Variants in MAGEL2 observed in about 807,000 individuals in gnomAD.
MAGEL2 encodes MAGE-like protein 2.
For missense variants in MAGEL2, 1,830 were observed against 1,699.2 expected, an observed-to-expected ratio of 1.08 and a Z score of -1.35; for synonymous variants, 792 against 721.7, an observed-to-expected ratio of 1.10 and a Z score of -1.56.
At position 23,644,661 on chromosome 15, in the gene MAGEL2, C is replaced by G. The variant is rs1321272829; in HGVS notation, c.3082G>C (p.Val1028Leu). ...SPLDERANAL[V>L]QFLLVKDQAK... The stretch of plus-strand genomic sequence containing the variant: ...TGGTCCTTGACTAAGAGGAACTGCA[C>G]CAACGCATTTGCCCTCTCATCCAAG... Residue 1028 changes from valine (V) to leucine (L), a missense_variant, in exon 1 of 1, where the codon GTG (valine) becomes CTG (leucine). Val to Leu is a conservative substitution (Grantham distance 32). Coordinates refer to ENST00000650528, the MANE Select transcript of MAGEL2 (RefSeq NM_019066.5). 19 of 1,613,850 alleles carry G rather than the reference C, an allele frequency of 1.2e-5. No homozygotes were observed. The highest frequency in any genetic ancestry group is 1.5e-5 in the Non-Finnish European group (18 of 1,179,880).
chr15:23,646,738 A>C lies in MAGEL2; in HGVS notation c.1005T>G (p.Pro335=), dbSNP rs1000866624. The C allele has an allele frequency of 2.6e-6, 4 of 1,533,776 alleles. No homozygotes were observed. The highest frequency in any genetic ancestry group is 2.7e-5 in the African/African-American group (2 of 72,766). The change falls in exon 1 of 1, where the codon CCT becomes CCG. Residue 335 remains proline (P), a synonymous_variant. Coordinates refer to ENST00000650528, the MANE Select transcript of MAGEL2 (RefSeq NM_019066.5). This position sits in a 1 kb window ranked among gnomAD's most constrained non-coding sequence, Gnocchi z 4.2. ...CTTGAGACTGGATTTGCAGGATCAG[A>C]GGCTGAGCCTGCGGGGCCCAAGAAG... ...PMASWAPQAQ[P]LILQIQSQVI...
Position 23,645,898 on chromosome 15 carries a change from C to T in MAGEL2, c.1845G>A (p.Leu615=). Residue 615 remains leucine, a synonymous_variant, in exon 1 of 1, where the codon CTG becomes CTA. Transcript: ENST00000650528. ...TGGGGGCCTTCTGGGCCTGCCAGGCCAGCGCCTGTGTCTGCTGCACCTCCT... is the reference window on the plus strand; with the variant it reads ...TGGGGGCCTTCTGGGCCTGCCAGGCTAGCGCCTGTGTCTGCTGCACCTCCT... The part of the protein sequence containing the change: ...EFQEVQQTQA[L]AWQAQKAPTH... The T allele has an allele frequency of 6.4e-7, 1 of 1,573,688 alleles. No homozygotes were observed. The highest frequency in any genetic ancestry group is 8.6e-7 in the Non-Finnish European group (1 of 1,159,740).
Position 23,644,666 on chromosome 15 carries a change from G to T in MAGEL2, c.3077C>A (p.Ala1026Glu), listed in dbSNP as rs370022000. The T allele has an allele frequency of 3.7e-6, 6 of 1,613,750 alleles. No homozygotes were observed. In the East Asian group the frequency reaches 8.9e-5, roughly 24 times the overall value. Residue 1026 changes from alanine to glutamate, a missense_variant, in exon 1 of 1, where the codon GCG becomes GAG. Ala to Glu is a moderately radical substitution (Grantham distance 107, BLOSUM62 -1). Transcript: ENST00000650528. ...PLSPLDERAN[A>E]LVQFLLVKDQ... ...CTTGACTAAGAGGAACTGCACCAAC[G>T]CATTTGCCCTCTCATCCAAGGGAGA... is the stretch of plus-strand genomic sequence containing the variant.
Position 23,646,466 on chromosome 15 carries a change from C to T in MAGEL2, c.1277G>A (p.Gly426Asp). ...IRPGPPPIRP[G>D]PPPVRQAPPL... Reference sequence around the variant, plus strand: ...TGGGGCCTGTCGCACCGGTGGTGGGCCAGGGCGGATGGGTGGTGGGCCAGG... The same window carrying T: ...TGGGGCCTGTCGCACCGGTGGTGGGTCAGGGCGGATGGGTGGTGGGCCAGG... Residue 426 changes from glycine (G) to aspartate (D), a missense_variant, in exon 1 of 1, where the codon GGC becomes GAC. Gly to Asp is a moderately conservative substitution (Grantham distance 94). Transcript: ENST00000650528. This position sits in a 1 kb window ranked among gnomAD's most constrained non-coding sequence, Gnocchi z 4.2. The T allele has an allele frequency of 7.0e-7, 1 of 1,429,216 alleles. No individual in the cohort carries two copies. The highest frequency in any genetic ancestry group is 1.5e-5 in the South Asian group (1 of 66,996). 88.5% of individuals were successfully genotyped at this position (1,429,216 alleles called of 1,614,324 possible).
chr15:23,647,798 C>A lies in MAGEL2; in HGVS notation c.-56G>T. The A allele has an allele frequency of 7.0e-7, 1 of 1,426,996 alleles. No individual in the cohort carries two copies. Among genetic ancestry groups the A allele is most frequent in the Non-Finnish European group, 9.1e-7 (1 of 1,095,104 alleles). 88.4% of individuals were successfully genotyped at this position (1,426,996 alleles called of 1,614,324 possible). On this transcript the variant is annotated 5_prime_UTR_variant, in exon 1 of 1. It adds an upstream start codon to the 5' untranslated region. Transcript: ENST00000650528. Reference sequence around the variant, plus strand: ...CCTCGGACAGCTGCTGGGCCTTTTCCTCCAGAGAGAAGAGAATGCCTACGT... The same window carrying A: ...CCTCGGACAGCTGCTGGGCCTTTTCATCCAGAGAGAAGAGAATGCCTACGT...
chr15:23,646,666 T>C lies in MAGEL2; in HGVS notation c.1077A>G (p.Pro359=). The change falls in exon 1 of 1, where the codon CCA becomes CCG. Residue 359 remains proline, a synonymous_variant. Transcript: ENST00000650528. This position sits in a 1 kb window ranked among gnomAD's most constrained non-coding sequence, Gnocchi z 4.2. ...AGCCCGGGGGTGTGGCTAGCTGCGC[T>C]GGGGGTGCCTGCGGGCCCTGGGGAA... ...PQVPQGPQAP[P]AQLATPPGWQ... The C allele has an allele frequency of 6.6e-7, 1 of 1,505,836 alleles. No homozygotes were observed. The highest frequency in any genetic ancestry group is 1.3e-5 in the South Asian group (1 of 78,532). The allele number at this position is 1,505,836 out of a possible 1,614,324, so 93.3% of individuals were successfully genotyped here.
rs1566783599 is a variant in MAGEL2, at chr15:23,644,753, G to A, written c.2990C>T (p.Ala997Val). 1 of 1,613,808 alleles carries A rather than the reference G, an allele frequency of 6.2e-7. No homozygotes were observed. The highest frequency in any genetic ancestry group is 1.3e-5 in the African/African-American group (1 of 75,046). The change falls in exon 1 of 1, where the codon GCA becomes GTA. Residue 997 changes from alanine to valine, a missense_variant. Ala to Val is a moderately conservative substitution (Grantham distance 64). Transcript: ENST00000650528. Reference sequence around the variant, plus strand: ...GGCACTGGATCCCGGAGAGACACTTGCGACCTCAGACACAACTACGGGCAG... The same window carrying A: ...GGCACTGGATCCCGGAGAGACACTTACGACCTCAGACACAACTACGGGCAG... Reference protein sequence around the residue: ...SSLPVVVSEVASVSPGSSATQ... With the variant: ...SSLPVVVSEVVSVSPGSSATQ...
rs866333931 is a variant in MAGEL2 at position 23,645,801 on chromosome 15, G to T, written c.1942C>A (p.Pro648Thr). 3 of 1,590,070 alleles carry T rather than the reference G, an allele frequency of 1.9e-6. No individual in the cohort carries two copies. The highest frequency in any genetic ancestry group is 1.7e-4 in the Middle Eastern group (1 of 6,006). Residue 648 changes from proline (P) to threonine (T), a missense_variant, in exon 1 of 1, where the codon CCC becomes ACC. Transcript: ENST00000650528. The stretch of plus-strand genomic sequence containing the variant: ...TGGGAGGGCGGGGCTCCCTGAAAGG[G>T]CTGCTCCAGCTGGACCAAGGGGGGA... ...QAPPLVQLEQ[P>T]FQGAPPSQKA...
At position 23,647,012 on chromosome 15, in the gene MAGEL2, G is replaced by C. The variant is rs1268087987; in HGVS notation, c.731C>G (p.Thr244Ser). ...APGVLMAQPL[T>S]PGVLMVQPAA... is the part of the protein sequence containing the mutation. ...AGGCTGGACCATCAGGACTCCCGGA[G>C]TCAGAGGCTGGGCCATCAGGACTCC... is the stretch of plus-strand genomic sequence containing the variant. Residue 244 changes from threonine (T) to serine (S), a missense_variant, in exon 1 of 1, where the codon ACT becomes AGT. Physicochemically the swap from Thr to Ser is moderately conservative, Grantham distance 58 (BLOSUM62 1). Coordinates refer to ENST00000650528, the MANE Select transcript of MAGEL2 (RefSeq NM_019066.5). 6.5e-7 allele frequency: 1 copy of C among 1,536,826 alleles called. No individual in the cohort carries two copies. The highest frequency in any genetic ancestry group is 1.4e-5 in the African/African-American group (1 of 73,010).
In MAGEL2 at chr15:23,645,934, T is replaced by C. The variant is rs1890391088; in HGVS notation, c.1809A>G (p.Ser603=). The change falls in exon 1 of 1, where the codon TCA becomes TCG. Residue 603 remains serine, a synonymous_variant. Transcript: ENST00000650528. ...TCTGCTGCACCTCCTGGAATTCCAT[T>C]GACGTTGGAATCTCGTGTGGCACCG... The part of the protein sequence containing the change: ...QPPVPHEIPT[S]MEFQEVQQTQ... 6.4e-7 allele frequency: 1 copy of C among 1,569,746 alleles called. No homozygotes were observed. The highest frequency in any genetic ancestry group is 8.6e-7 in the Non-Finnish European group (1 of 1,157,410).
chr15:23,647,648 GC>G lies in MAGEL2; in HGVS notation c.94del (p.Ala32ProfsTer48). On this transcript the variant is annotated frameshift_variant, in exon 1 of 1. Coordinates refer to ENST00000650528, the MANE Select transcript of MAGEL2 (RefSeq NM_019066.5). LOFTEE classifies it low-confidence loss of function (END_TRUNC). Reference protein sequence around the residue: ...VYSRPTVLMRAPPASSRAPPV... With the variant: ...VYSRPTVLMRXPPASSRAPPV... ...CGGAGCCCGGGAGGAAGCGGGCGGGGCCCGCATCAGAACCGTAGGGCGGCTA... is the reference window on the plus strand; with the variant it reads ...CGGAGCCCGGGAGGAAGCGGGCGGGGCCGCATCAGAACCGTAGGGCGGCTA... 1 of 1,536,286 alleles carries G rather than the reference GC, an allele frequency of 6.5e-7. No homozygotes were observed. The highest frequency in any genetic ancestry group is 8.7e-7 in the Non-Finnish European group (1 of 1,146,642).
chr15:23,646,664 G>C lies in MAGEL2; in HGVS notation c.1079C>G (p.Ala360Gly). ...CCAGCCCGGGGGTGTGGCTAGCTGC[G>C]CTGGGGGTGCCTGCGGGCCCTGGGG... ...QVPQGPQAPP[A>G]QLATPPGWQA... is the part of the protein sequence containing the mutation. The change falls in exon 1 of 1, where the codon GCG becomes GGG. Residue 360 changes from alanine to glycine, a missense_variant. Physicochemically the swap from Ala to Gly is moderately conservative, Grantham distance 60. Transcript: ENST00000650528. This position sits in a 1 kb window ranked among gnomAD's most constrained non-coding sequence, Gnocchi z 4.2. 6.6e-7 allele frequency: 1 copy of C among 1,504,550 alleles called. No individual in the cohort carries two copies. The highest frequency in any genetic ancestry group is 8.8e-7 in the Non-Finnish European group (1 of 1,130,488). The allele number at this position is 1,504,550 out of a possible 1,614,324, so 93.2% of individuals were successfully genotyped here.
rs1890334575 is a variant in MAGEL2 at position 23,643,943 on chromosome 15, C to T, written c.*50G>A. 2.0e-6 allele frequency: 3 copies of T among 1,494,940 alleles called. No individual in the cohort carries two copies. Among genetic ancestry groups the T allele is most frequent in the Non-Finnish European group, 2.7e-6 (3 of 1,123,252 alleles). 92.6% of individuals were successfully genotyped at this position (1,494,940 alleles called of 1,614,324 possible). ...GAACAAAAATGTCCCCCCACCCTGTCAGTGGCCTCTGGCCAGGGAAACACA... is the reference window on the plus strand; with the variant it reads ...GAACAAAAATGTCCCCCCACCCTGTTAGTGGCCTCTGGCCAGGGAAACACA... On this transcript the variant is annotated 3_prime_UTR_variant, in exon 1 of 1. Transcript: ENST00000650528.
rs1890427965 is a variant in MAGEL2, at chr15:23,647,076, G to A, written c.667C>T (p.Pro223Ser). The A allele has an allele frequency of 3.3e-6, 5 of 1,535,058 alleles. No homozygotes were observed. The highest frequency in any genetic ancestry group is 1.2e-5 in the South Asian group (1 of 83,700). The change falls in exon 1 of 1, where the codon CCC (proline) becomes TCC (serine). Residue 223 changes from proline to serine, a missense_variant. Pro to Ser is a moderately conservative substitution (Grantham distance 74). Coordinates refer to ENST00000650528, the MANE Select transcript of MAGEL2 (RefSeq NM_019066.5). ...PPPGTPMAHPPPPGTPMAQPP... is the reference protein window; with the variant it reads ...PPPGTPMAHPSPPGTPMAQPP... ...TGGGCCATCGGTGTACCCGGAGGGG[G>A]AGGATGAGCCATCGGTGTCCCCGGA...
In MAGEL2 at chr15:23,643,879, T is replaced by G; in HGVS notation, c.*114A>C. On this transcript the variant is annotated 3_prime_UTR_variant, in exon 1 of 1. Transcript: ENST00000650528. ...GGCAGATACGAAACCAAGTTGAAAA[T>G]CCAAACGTACACTCGTGGAACTGGA... is the stretch of plus-strand genomic sequence containing the variant. 8.1e-7 allele frequency: 1 copy of G among 1,234,976 alleles called. No homozygotes were observed. 76.5% of individuals were successfully genotyped at this position (1,234,976 alleles called of 1,614,324 possible).
In MAGEL2 at chr15:23,645,097, G is replaced by A. The variant is rs747679005; in HGVS notation, c.2646C>T (p.Ser882=). 61 of 1,613,770 alleles carry A rather than the reference G, an allele frequency of 3.8e-5. No homozygotes were observed. Among genetic ancestry groups the A allele is most frequent in the Admixed American group, 1.8e-4 (11 of 60,016 alleles). The change falls in exon 1 of 1, where the codon TCC becomes TCT. Residue 882 remains serine (S), a synonymous_variant. Coordinates refer to ENST00000650528, the MANE Select transcript of MAGEL2 (RefSeq NM_019066.5). ...SKTSVEPPRR[S]GKATRKKKHL... ...GCTTCTTCTTCCGGGTGGCCTTGCC[G>A]GAGCGGCGTGGCGGCTCGACGGAGG... is the stretch of plus-strand genomic sequence containing the variant.
chr15:23,646,135 C>T lies in MAGEL2; in HGVS notation c.1608G>A (p.Val536=). 7.4e-7 allele frequency: 1 copy of T among 1,350,902 alleles called. No homozygotes were observed. The allele number at this position is 1,350,902 out of a possible 1,614,324, so 83.7% of individuals were successfully genotyped here. A position where few individuals can be genotyped will look rare whatever the true frequency, so the allele number is the denominator to read the frequency against. The change falls in exon 1 of 1, where the codon GTG becomes GTA. Residue 536 remains valine, a synonymous_variant. Transcript: ENST00000650528. The surrounding 1 kb of genome is among the most constrained non-coding windows in gnomAD (Gnocchi z 4.2). ...CCGTAGGCACCTGCGGCGCCGCCTGCACCTGCGGGGCCGGCAGCCTAGCCT... is the reference window on the plus strand; with the variant it reads ...CCGTAGGCACCTGCGGCGCCGCCTGTACCTGCGGGGCCGGCAGCCTAGCCT... ...APQARLPAPQ[V]QAAPQVPTAP...
In MAGEL2 at chr15:23,647,395, T is replaced by C; in HGVS notation, c.348A>G (p.Gly116=). Residue 116 remains glycine, a synonymous_variant, in exon 1 of 1, where the codon GGA becomes GGG. Transcript: ENST00000650528. Reference sequence around the variant, plus strand: ...GGGTCGGAGGCTGGGCCATCGGGGCTCCCGGAGGTGGAGGATGCACCATCA... The same window carrying C: ...GGGTCGGAGGCTGGGCCATCGGGGCCCCCGGAGGTGGAGGATGCACCATCA... ...GVLMVHPPPP[G]APMAQPPTPG... is the part of the protein sequence containing the mutation. 1 of 1,534,354 alleles carries C rather than the reference T, an allele frequency of 6.5e-7. No homozygotes were observed. Among genetic ancestry groups the C allele is most frequent in the South Asian group, 1.2e-5 (1 of 83,944 alleles).
In MAGEL2 at chr15:23,647,685, G is replaced by C; in HGVS notation, c.58C>G (p.Pro20Ala). The change falls in exon 1 of 1, where the codon CCG becomes GCG. Residue 20 changes from proline (P) to alanine (A), a missense_variant. Physicochemically the swap from Pro to Ala is conservative, Grantham distance 27. Transcript: ENST00000650528. The part of the protein sequence containing the change: ...DSSPPAEAPK[P>A]PVYSRPTVLM... ...ACCGTAGGGCGGCTATAGACAGGCG[G>C]CTTCGGGGCCTCCGCCGGAGGACTC... is the stretch of plus-strand genomic sequence containing the variant. 6.7e-7 allele frequency: 1 copy of C among 1,500,634 alleles called. No homozygotes were observed. The highest frequency in any genetic ancestry group is 8.8e-7 in the Non-Finnish European group (1 of 1,132,540). 93.0% of individuals were successfully genotyped at this position (1,500,634 alleles called of 1,614,324 possible).
Sources: gnomAD v4.1 joint callset for allele counts on GRCh38, gnomAD v4.1.1 for gene constraint, Gnocchi (gnomAD v3.1) non-coding constraint, MANE v1.5 for transcripts, NCBI Gene and HGNC (gene_info 2026-07-23, HGNC 2026-07-21) for gene names.